FLYWCH2: variants seen among roughly 807,000 people sequenced by gnomAD.
FLYWCH2 encodes the protein FLYWCH family member 2.
FLYWCH2 carries 2 observed loss-of-function variants against 6.0 expected under a neutral mutation model. That is an observed-to-expected ratio of 0.33 (90% CI 0.14 to 1.04). The LOEUF is 1.04. Among genes scored for constraint, FLYWCH2 ranks in the 50% least tolerant of loss-of-function variants. The pLI, the probability that FLYWCH2 is intolerant of heterozygous loss-of-function variation, is 0.45. For synonymous variants in FLYWCH2, 87 were observed against 79.3 expected (o/e 1.10, Z -0.52); for missense variants, 192 against 183.4 (o/e 1.05, Z -0.27).
chr16:2,883,878 A>G (rs1219868090), intron 1 of FLYWCH2, among the ~76,000 whole-genome samples: 1 of 152,198 alleles, frequency 6.6e-6, no homozygotes, highest in South Asian at 2.1e-4. Flanking sequence ...GAGTGAAATA[A>G]AGATTCTGAG....
At position 2,896,704 on chromosome 16, in the gene FLYWCH2, C is replaced by G; in HGVS notation, c.255C>G (p.Pro85=). Residue 85 remains proline, a synonymous_variant, in exon 3 of 4, where the codon CCC becomes CCG. Transcript: ENST00000396958. ...CCAAGGCCCTCCTCCAGACCCACCC[C>G]GAGGCCCAGCGGGCCATTGAGGCAG... is the stretch of plus-strand genomic sequence containing the variant. ...TLAKALLQTH[P]EAQRAIEAAP... 1 of 1,612,628 alleles carries G rather than the reference C, an allele frequency of 6.2e-7. No individual in the cohort carries two copies. The highest frequency in any genetic ancestry group is 8.5e-7 in the Non-Finnish European group (1 of 1,179,856).
At chr16:2,884,772 G>T (rs111356563) in intron 1 of FLYWCH2, among the ~76,000 whole-genome samples, 19,097 of 151,480 alleles carry the variant, frequency 0.13, 1,485 homozygotes, top group Non-Finnish European at 0.18. Context: ...TACTTGGGAG[G>T]CTGAGACAGG....
intron 2 of FLYWCH2, 132 bp from the exon 3 acceptor site, chr16:2,896,220 C>T (rs1165247737): frequency 3.6e-6 from 2 of 560,334 alleles, no homozygotes; most frequent in African/African-American, 3.8e-5. Context: ...AGCCTAGTTC[C>T]ATCAGGCCCC....
rs764034727 is a variant in FLYWCH2 at position 2,896,354 on chromosome 16, C to T, written c.-96C>T. 357 of 1,431,962 alleles carry T rather than the reference C, an allele frequency of 2.5e-4. No homozygotes were observed. Among genetic ancestry groups the T allele is most frequent in the Non-Finnish European group, 5.9e-5 (64 of 1,084,084 alleles). The allele number at this position is 1,431,962 out of a possible 1,614,324, so 88.7% of individuals were successfully genotyped here. A position where few individuals can be genotyped will look rare whatever the true frequency, so the allele number is the denominator to read the frequency against. On this transcript the variant is annotated splice_region_variant and 5_prime_UTR_variant, in exon 3 of 4. It adds an upstream start codon to the 5' untranslated region. Coordinates refer to ENST00000396958, the MANE Select transcript of FLYWCH2 (RefSeq NM_138439.3). Reference sequence around the variant, plus strand: ...CGGGATTTTGCTTCCTTCCTTAGGACGGAACCGCTGGACTCCAGGTTCCTT... The same window carrying T: ...CGGGATTTTGCTTCCTTCCTTAGGATGGAACCGCTGGACTCCAGGTTCCTT...
chr16:2,883,444 G>C (rs1376833081), intron 1 of FLYWCH2, 78 bp downstream of exon 1: 1 of 152,486 alleles, frequency 6.6e-6, no homozygotes, highest in Non-Finnish European at 1.5e-5. Flanking sequence ...TCTCTCGGGG[G>C]TCCCGAGGGC....
At chr16:2,883,853 T>C (rs184595483) in intron 1 of FLYWCH2, among the ~76,000 whole-genome samples, 1 of 152,316 alleles carries the variant, frequency 6.6e-6, no homozygotes, top group African/African-American at 2.4e-5. Context: ...TTGATGCCAA[T>C]TGCATTGGGT....
In FLYWCH2 at chr16:2,896,534, A is replaced by T; in HGVS notation, c.85A>T (p.Ile29Phe). ...EPSPKPGTEV[I>F]PAAPRKPRKF... ...ATCCCCCAAGCCAGGCACAGAAGTC[A>T]TCCCGGCAGCCCCCAGGAAGCCCAG... Residue 29 changes from isoleucine to phenylalanine, a missense_variant, in exon 3 of 4, where the codon ATC (isoleucine) becomes TTC (phenylalanine). By Grantham distance (21) the Ile-to-Phe change is conservative. Coordinates refer to ENST00000396958, the MANE Select transcript of FLYWCH2 (RefSeq NM_138439.3). 1.2e-6 allele frequency: 2 copies of T among 1,614,178 alleles called. No individual in the cohort carries two copies. The highest frequency in any genetic ancestry group is 1.7e-6 in the Non-Finnish European group (2 of 1,180,022).
intron 2 of FLYWCH2, among the ~76,000 whole-genome samples, chr16:2,895,954 G>C (rs1009788490): frequency 1.3e-5 from 2 of 152,228 alleles, no homozygotes; most frequent in African/African-American, 2.4e-5. Context: ...CCTCAACTGT[G>C]ACTGGGTCCA....
rs549971023 is a variant in FLYWCH2, at chr16:2,896,715, G to A, written c.266G>A (p.Arg89Gln). The change falls in exon 3 of 4, where the codon CGG (arginine) becomes CAG (glutamine). Residue 89 changes from arginine (R) to glutamine (Q), a missense_variant. Arg to Gln is a conservative substitution (Grantham distance 43, BLOSUM62 1). Coordinates refer to ENST00000396958, the MANE Select transcript of FLYWCH2 (RefSeq NM_138439.3). ...CTCCAGACCCACCCCGAGGCCCAGC[G>A]GGCCATTGAGGCAGCCCCTCAGGAG... is the stretch of plus-strand genomic sequence containing the variant. The part of the protein sequence containing the change: ...ALLQTHPEAQ[R>Q]AIEAAPQEPE... The A allele has an allele frequency of 1.2e-5, 19 of 1,612,362 alleles. No homozygotes were observed. The highest frequency in any genetic ancestry group is 2.2e-5 in the East Asian group (1 of 44,860).
In FLYWCH2 at chr16:2,899,084, G is replaced by A; in HGVS notation, c.358G>A (p.Gly120Arg). 6.2e-7 allele frequency: 1 copy of A among 1,613,714 alleles called. No individual in the cohort carries two copies. The highest frequency in any genetic ancestry group is 8.5e-7 in the Non-Finnish European group (1 of 1,179,864). Residue 120 changes from glycine to arginine, a missense_variant, in exon 4 of 4, where the codon GGG (glycine) becomes AGG (arginine). By Grantham distance (125) the Gly-to-Arg change is moderately radical. Coordinates refer to ENST00000396958, the MANE Select transcript of FLYWCH2 (RefSeq NM_138439.3). ...DRTEDSGLAA[G>R]PPEAAGENFA... is the part of the protein sequence containing the mutation. ...AACAGAAGACAGTGGATTAGCAGCG[G>A]GGCCTCCTGAGGCTGCTGGGGAGAA... is the stretch of plus-strand genomic sequence containing the variant.
chr16:2,893,949 C>T (rs575522176), intron 1 of FLYWCH2, among the ~76,000 whole-genome samples: 1 of 152,104 alleles, frequency 6.6e-6, no homozygotes, highest in African/African-American at 2.4e-5. Context: ...CTTTGGGGCC[C>T]TTTTGTACAG....
intron 1 of FLYWCH2, among the ~76,000 whole-genome samples, chr16:2,887,742 T>A (rs2069714661): frequency 6.6e-6 from 1 of 151,402 alleles, no homozygotes. Context: ...GTTAATAATA[T>A]TTTTTTTAGA....
chr16:2,896,885 C>A (rs1232898272), intron 3 of FLYWCH2, 114 bp downstream of exon 3: 1 of 1,038,522 alleles, frequency 9.6e-7, no homozygotes, highest in African/African-American at 1.6e-5. Context: ...TGTTCCCTGA[C>A]TTTGACCACG....
rs185408194 is a variant in FLYWCH2, at chr16:2,889,952, G to T, written c.-199-5268G>T. 2.0e-5 allele frequency among the ~76,000 whole-genome samples: 3 copies of T among 152,228 alleles called. No homozygotes were observed. The East Asian group carries it at 5.8e-4, about 29-fold the overall frequency. On this transcript the variant is annotated intron_variant, in intron 1 of 3. Transcript: ENST00000396958. ...ATACGATAATTAGCCAGGCGTAGTGGTGCGTGTCTGTAGTCTCAGCTACTT... is the reference window on the plus strand; with the variant it reads ...ATACGATAATTAGCCAGGCGTAGTGTTGCGTGTCTGTAGTCTCAGCTACTT...
intron 1 of FLYWCH2, among the ~76,000 whole-genome samples, chr16:2,894,069 A>G (rs553410447): frequency 6.6e-6 from 1 of 152,166 alleles, no homozygotes; most frequent in Admixed American, 6.5e-5. Context: ...ATTGAAAGCA[A>G]TGGCAAAACC....
chr16:2,895,838 G>C (rs556585599), intron 2 of FLYWCH2, among the ~76,000 whole-genome samples: 1 of 152,354 alleles, frequency 6.6e-6, no homozygotes, highest in African/African-American at 2.4e-5. Context: ...ACTGATGTCT[G>C]TTAACATGGA....
chr16:2,886,711 G>T (rs2150842994), intron 1 of FLYWCH2, among the ~76,000 whole-genome samples: 1 of 151,444 alleles, frequency 6.6e-6, no homozygotes, highest in Non-Finnish European at 1.5e-5. Context: ...AGTAGAGACA[G>T]GGTTTCTCCA....
chr16:2,898,882 T>A (rs947492561), intron 3 of FLYWCH2, 167 bp from the exon 4 acceptor site: 1 of 510,712 alleles, frequency 2.0e-6, no homozygotes, highest in Non-Finnish European at 3.4e-6. Context: ...CTGGTGGCCT[T>A]GGGAGCAGCG....
At chr16:2,887,858 C>T (rs573429084) in intron 1 of FLYWCH2, among the ~76,000 whole-genome samples, 9 of 151,904 alleles carry the variant, frequency 5.9e-5, no homozygotes, top group Non-Finnish European at 1.2e-4. Flanking sequence ...TGAGCCACCA[C>T]GCCTGGCCCA....
Sources: gnomAD v4.1 joint callset for allele counts (sites outside exome capture counted in the v4.1 genomes callset) on GRCh38, gnomAD v4.1.1 for gene constraint, MANE v1.5 for transcripts, NCBI Gene and HGNC (gene_info 2026-07-23, HGNC 2026-07-21) for gene names.